Variants in PTPRB observed in about 807,000 individuals in gnomAD.
PTPRB encodes the protein receptor-type tyrosine-protein phosphatase beta.
Under a neutral mutation model 238.1 loss-of-function variants are expected in PTPRB, and 97 were observed. The observed-to-expected ratio is 0.41, with a 90% CI of 0.35 to 0.48. The LOEUF (loss-of-function observed/expected upper bound fraction) is 0.48, where lower values mean the gene tolerates loss of function less well. Among genes scored for constraint, PTPRB ranks in the 20% least tolerant of loss-of-function variants. PTPRB has a pLI of 0.30. For missense variants in PTPRB, 2,292 were observed against 2,681.9 expected (o/e 0.85, Z 3.21); for synonymous variants, 970 against 995.4 (o/e 0.97, Z 0.48).
At position 70,571,904 on chromosome 12, in the gene PTPRB, A is replaced by G. The variant is rs200200405; in HGVS notation, c.3026T>C (p.Val1009Ala). ...SENECVFVQL[V>A]PGRLYSVTVT... ...AGTGACACTGTACAACCGTCCAGGGACTAGCTGAACAAATACACATTCGTT... is the reference window on the plus strand; with the variant it reads ...AGTGACACTGTACAACCGTCCAGGGGCTAGCTGAACAAATACACATTCGTT... The change falls in exon 12 of 34, where the codon GTC becomes GCC. Residue 1009 changes from valine (V) to alanine (A), a missense_variant. Physicochemically the swap from Val to Ala is moderately conservative, Grantham distance 64. Transcript: ENST00000334414. 5.4e-5 allele frequency: 87 copies of G among 1,613,762 alleles called. No individual in the cohort carries two copies. The highest frequency in any genetic ancestry group is 6.8e-5 in the Non-Finnish European group (80 of 1,179,772).
rs1185155780 is a variant in PTPRB at position 70,560,155 on chromosome 12, AT to A, written c.4432+515del. Among the ~76,000 whole-genome samples, 2 of 152,122 alleles carry A rather than the reference AT, an allele frequency of 1.3e-5. No individual in the cohort carries two copies. Among genetic ancestry groups the A allele is most frequent in the Admixed American group, 1.3e-4 (2 of 15,258 alleles). ...CCCAGCCTCATATACCTTTTCTTAA[AT>A]ATTCATAGCCAGATCTTCCTTACCA... On this transcript the variant is annotated intron_variant, in intron 17 of 33. Coordinates refer to ENST00000334414, the MANE Select transcript of PTPRB (RefSeq NM_001109754.4). The surrounding 1 kb of genome is among the most constrained non-coding windows in gnomAD (Gnocchi z 4.2).
intron 2 of PTPRB, among the ~76,000 whole-genome samples, chr12:70,626,773 A>T (rs1885224587): frequency 6.6e-6 from 1 of 151,970 alleles, no homozygotes; most frequent in South Asian, 2.1e-4. Context: ...GTACACACAC[A>T]CATACACACG....
In PTPRB at chr12:70,544,546, G is replaced by A. The variant is rs1875670096; in HGVS notation, c.5494+11C>T. 5 of 1,579,832 alleles carry A rather than the reference G, an allele frequency of 3.2e-6. No individual in the cohort carries two copies. Among genetic ancestry groups the A allele is most frequent in the Non-Finnish European group, 4.3e-6 (5 of 1,150,082 alleles). On this transcript the variant is annotated intron_variant, in intron 22 of 33. Coordinates refer to ENST00000334414, the MANE Select transcript of PTPRB (RefSeq NM_001109754.4). ...GCAGTTGGTAGAACATGATGTAAAG[G>A]TTAGCCTTACCTGATTCAGTAGTGA...
At chr12:70,521,584 T>C in intron 33 of PTPRB, 73 bp from the exon 34 acceptor site, 1 of 1,335,024 alleles carries the variant, frequency 7.5e-7, no homozygotes, top group Non-Finnish European at 1.0e-6. Context: ...TTATGAAAAT[T>C]ACCAATGTGA....
At chr12:70,605,199 A>G (rs1202234631) in intron 4 of PTPRB, among the ~76,000 whole-genome samples, 1 of 152,206 alleles carries the variant, frequency 6.6e-6, no homozygotes, top group East Asian at 1.9e-4. Flanking sequence ...TTCTACAGGT[A>G]AAGTTATCTA....
intron 31 of PTPRB, among the ~76,000 whole-genome samples, chr12:70,532,731 T>G (rs1339992804): frequency 6.6e-6 from 1 of 151,908 alleles, no homozygotes; most frequent in African/African-American, 2.4e-5. Context: ...AGCCTCGACC[T>G]CCCAGGTTCA....
intron 28 of PTPRB, among the ~76,000 whole-genome samples, chr12:70,537,284 CAAAAAAAAA>C (rs58633138): frequency 1.1e-5 from 1 of 90,694 alleles, no homozygotes. Flanking sequence ...AAGACCATCT[CAAAAAAAAA>C]AAAAAAAAAA....
chr12:70,570,002 A>T lies in PTPRB; in HGVS notation c.3371-64T>A, dbSNP rs908884288. The T allele has an allele frequency of 2.1e-6, 3 of 1,444,610 alleles. No individual in the cohort carries two copies. The African/African-American group carries it at 4.2e-5, about 20-fold the overall frequency. The allele number at this position is 1,444,610 out of a possible 1,614,324, so 89.5% of individuals were successfully genotyped here. A position where few individuals can be genotyped will look rare whatever the true frequency, so the allele number is the denominator to read the frequency against. The stretch of plus-strand genomic sequence containing the variant: ...AATGAACTGTTGAAATTTTCAAACA[A>T]AGTTTTGAATGCTTCTGATGTTTTG... On this transcript the variant is annotated intron_variant, in intron 13 of 33. Coordinates refer to ENST00000334414, the MANE Select transcript of PTPRB (RefSeq NM_001109754.4).
intron 14 of PTPRB, among the ~76,000 whole-genome samples, chr12:70,568,557 A>C: frequency 6.6e-6 from 1 of 152,118 alleles, no homozygotes; most frequent in East Asian, 1.9e-4. Flanking sequence ...TTGGCCTCCC[A>C]AAGTGCTGGG....
chr12:70,556,697 A>C (rs1045890305), intron 18 of PTPRB, among the ~76,000 whole-genome samples: 2 of 152,218 alleles, frequency 1.3e-5, no homozygotes, highest in African/African-American at 4.8e-5. Context: ...TGCCAAAAAA[A>C]CTATGGCTAG....
intron 31 of PTPRB, 48 bp downstream of exon 31, chr12:70,534,440 C>A: frequency 6.3e-7 from 1 of 1,587,418 alleles, no homozygotes; most frequent in South Asian, 1.1e-5. Context: ...CTCCCAGGCA[C>A]AACCCCCTTA....
At chr12:70,562,794 T>C in intron 16 of PTPRB, 50 bp downstream of exon 16, 1 of 1,586,718 alleles carries the variant, frequency 6.3e-7, no homozygotes, top group Non-Finnish European at 8.6e-7. Flanking sequence ...AGCCAGTGAA[T>C]ACCGGGACAA....
chr12:70,573,644 T>C (rs1213605483), intron 11 of PTPRB, among the ~76,000 whole-genome samples: 1 of 151,922 alleles, frequency 6.6e-6, no homozygotes, highest in African/African-American at 2.4e-5. Context: ...TAGCTGGGAT[T>C]ACAGGTGCCT....
chr12:70,605,645 C>G (rs73328129), intron 4 of PTPRB, among the ~76,000 whole-genome samples: 2,373 of 152,156 alleles, frequency 0.016, 70 homozygotes, highest in African/African-American at 0.054. Context: ...GGAGAAGACA[C>G]AAGTCAGCTC....
intron 15 of PTPRB, among the ~76,000 whole-genome samples, chr12:70,565,681 C>T (rs138922271): frequency 6.6e-6 from 1 of 152,290 alleles, no homozygotes; most frequent in Non-Finnish European, 1.5e-5. Context: ...TAACCATCCC[C>T]GCCTTCAGAC....
At chr12:70,604,224 G>A (rs1330846572) in intron 4 of PTPRB, among the ~76,000 whole-genome samples, 2 of 151,882 alleles carry the variant, frequency 1.3e-5, no homozygotes, top group Admixed American at 1.3e-4. Flanking sequence ...CTGGGTAACA[G>A]AGCAAGATCC....
intron 3 of PTPRB, among the ~76,000 whole-genome samples, chr12:70,614,026 A>G (rs1187234050): frequency 6.6e-6 from 1 of 152,170 alleles, no homozygotes; most frequent in African/African-American, 2.4e-5. Flanking sequence ...AGGGAAGATG[A>G]AAGGAGGAAA....
At position 70,576,537 on chromosome 12, in the gene PTPRB, A is replaced by G; in HGVS notation, c.2687T>C (p.Leu896Ser). Reference sequence around the variant, plus strand: ...CTGAACCACCTTGCCGTCATGAGACAATGTTACCTCATAGTTATCCACATC... The same window carrying G: ...CTGAACCACCTTGCCGTCATGAGACGATGTTACCTCATAGTTATCCACATC... ...PGDVDNYEVTLSHDGKVVQSL... is the reference protein window; with the variant it reads ...PGDVDNYEVTSSHDGKVVQSL... The change falls in exon 11 of 34, where the codon TTG becomes TCG. Residue 896 changes from leucine (L) to serine (S), a missense_variant. Physicochemically the swap from Leu to Ser is moderately radical, Grantham distance 145 (BLOSUM62 -2). Transcript: ENST00000334414. 6.4e-7 allele frequency: 1 copy of G among 1,560,820 alleles called. No homozygotes were observed. The highest frequency in any genetic ancestry group is 8.7e-7 in the Non-Finnish European group (1 of 1,151,314).
At chr12:70,606,654 A>G (rs570139650) in intron 4 of PTPRB, among the ~76,000 whole-genome samples, 3 of 152,334 alleles carry the variant, frequency 2.0e-5, no homozygotes, top group South Asian at 2.1e-4. Context: ...CATTGCTTTA[A>G]TAACAGTAAA....
Sources: allele counts gnomAD v4.1 joint callset (sites outside exome capture counted in the v4.1 genomes callset), GRCh38; gene constraint gnomAD v4.1.1; non-coding constraint Gnocchi (gnomAD v3.1); transcripts MANE v1.5; gene names NCBI Gene and HGNC (gene_info 2026-07-23, HGNC 2026-07-21).